The following KCNH5 variants were observed in gnomAD, a reference collection of about 807,000 sequenced individuals.
KCNH5 encodes the protein voltage-gated delayed rectifier potassium channel KCNH5.
A neutral mutation model predicts 96.1 loss-of-function variants in KCNH5; 46 were observed. The ratio of observed to expected loss-of-function variants is 0.48; its 90% CI spans 0.38 to 0.61. The LOEUF is 0.61. Among genes scored for constraint, KCNH5 ranks in the 20% least tolerant of loss-of-function variants. KCNH5 has a pLI of 0.00. For missense variants in KCNH5, 907 were observed against 1,225.8 expected (o/e 0.74, Z 3.88); for synonymous variants, 439 against 449.8 (o/e 0.98, Z 0.30).
At chr14:62,855,583 G>A (rs1159732386) in intron 7 of KCNH5, among the ~76,000 whole-genome samples, 6 of 152,146 alleles carry the variant, frequency 3.9e-5, no homozygotes, top group South Asian at 2.1e-4. Context: ...TCAATTTAAC[G>A]TTAATAACAC....
chr14:62,845,033 A>T (rs1230281476), intron 8 of KCNH5, among the ~76,000 whole-genome samples: 20 of 152,200 alleles, frequency 1.3e-4, no homozygotes, highest in Admixed American at 1.3e-3. Flanking sequence ...AGAAGCATTA[A>T]AACAAAGACA....
chr14:62,770,344 A>T (rs993052768), intron 10 of KCNH5, among the ~76,000 whole-genome samples: 14 of 152,244 alleles, frequency 9.2e-5, no homozygotes, highest in Admixed American at 2.0e-4. Context: ...ATTCACCATA[A>T]TATGAACGTT....
At chr14:63,020,716 C>T (rs533766696) in intron 1 of KCNH5, among the ~76,000 whole-genome samples, 5 of 152,270 alleles carry the variant, frequency 3.3e-5, no homozygotes, top group South Asian at 4.1e-4. Flanking sequence ...TAGAGGTATA[C>T]GTTACACAGG....
At chr14:62,916,222 G>A (rs1257147518) in intron 7 of KCNH5, among the ~76,000 whole-genome samples, 1 of 152,114 alleles carries the variant, frequency 6.6e-6, no homozygotes, top group African/African-American at 2.4e-5. Flanking sequence ...AAAGTGCTGG[G>A]ATTACAGGCG....
intron 2 of KCNH5, among the ~76,000 whole-genome samples, chr14:63,006,995 C>T (rs1891140114): frequency 6.6e-6 from 1 of 152,118 alleles, no homozygotes; most frequent in Non-Finnish European, 1.5e-5. Flanking sequence ...CCAACAAAAA[C>T]TAAAGTCCAC....
chr14:62,711,533 T>C (rs1218546909), intron 10 of KCNH5, among the ~76,000 whole-genome samples: 1 of 152,156 alleles, frequency 6.6e-6, no homozygotes, highest in African/African-American at 2.4e-5. Flanking sequence ...ATTTTAAACA[T>C]AGCTCCCTTG....
chr14:62,832,321 G>T (rs557106936), intron 8 of KCNH5, among the ~76,000 whole-genome samples: 13 of 118,548 alleles, frequency 1.1e-4, no homozygotes, highest in African/African-American at 4.4e-4. Context: ...CTATGTGTTT[G>T]ACTACTTTAG....
intron 10 of KCNH5, among the ~76,000 whole-genome samples, chr14:62,775,390 T>C (rs1566656600): frequency 6.6e-6 from 1 of 152,030 alleles, no homozygotes; most frequent in Non-Finnish European, 1.5e-5. Context: ...TAAAAACAAA[T>C]CAAATCAATT....
intron 7 of KCNH5, among the ~76,000 whole-genome samples, chr14:62,893,477 C>T (rs748181891): frequency 2.0e-5 from 3 of 152,110 alleles, no homozygotes; most frequent in African/African-American, 7.2e-5. Flanking sequence ...CATAAATGGC[C>T]GGGCATGATG....
At chr14:63,033,521 C>T (rs916002209) in intron 1 of KCNH5, among the ~76,000 whole-genome samples, 2 of 152,196 alleles carry the variant, frequency 1.3e-5, no homozygotes, top group African/African-American at 4.8e-5. Flanking sequence ...AAACCCTCCC[C>T]TTTTCATCCA....
intron 4 of KCNH5, among the ~76,000 whole-genome samples, chr14:62,994,398 G>A (rs1890868849): frequency 6.6e-6 from 1 of 152,056 alleles, no homozygotes; most frequent in South Asian, 2.1e-4. Flanking sequence ...TAAATGGGCA[G>A]AGATTTAGGC....
At chr14:62,914,850 C>T (rs1010871092) in intron 7 of KCNH5, among the ~76,000 whole-genome samples, 1 of 152,206 alleles carries the variant, frequency 6.6e-6, no homozygotes, top group Non-Finnish European at 1.5e-5. Context: ...ACCCACATGC[C>T]GAACGTGCAT....
At chr14:62,733,693 C>G (rs1203902142) in intron 10 of KCNH5, among the ~76,000 whole-genome samples, 1 of 152,188 alleles carries the variant, frequency 6.6e-6, no homozygotes, top group Non-Finnish European at 1.5e-5. Flanking sequence ...AGTGGACACT[C>G]TGTGGCCCAC....
At chr14:62,904,803 G>C (rs1482942590) in intron 7 of KCNH5, among the ~76,000 whole-genome samples, 2 of 152,094 alleles carry the variant, frequency 1.3e-5, no homozygotes, top group Non-Finnish European at 2.9e-5. Context: ...CCCATGACAA[G>C]CCAAATGCAT....
rs150472353 is a variant in KCNH5 at position 62,934,212 on chromosome 14, C to T, written c.1369+15921G>A. 0.01 allele frequency among the ~76,000 whole-genome samples: 1,572 copies of T among 151,484 alleles called. 79 individuals carry two copies. In the East Asian group the frequency reaches 0.15, roughly 14 times the overall value. On this transcript the variant is annotated intron_variant, in intron 7 of 10. Transcript: ENST00000322893. ...AGTGGCATGATCTCACTGCAACCTC[C>T]GCCTCCCGGGTTCAAGCAATTCTTC...
chr14:63,002,907 G>A (rs974714009), intron 3 of KCNH5, among the ~76,000 whole-genome samples: 7 of 152,028 alleles, frequency 4.6e-5, no homozygotes, highest in Admixed American at 1.3e-4. Flanking sequence ...TTCTGTTTTC[G>A]TATTTTACAC....
intron 8 of KCNH5, among the ~76,000 whole-genome samples, chr14:62,815,406 T>C (rs1159580095): frequency 3.9e-5 from 6 of 152,170 alleles, no homozygotes; most frequent in Admixed American, 3.9e-4. Context: ...ATTTATAATA[T>C]AATTTGTTCA....
chr14:62,815,160 T>C (rs1886952581), intron 8 of KCNH5, among the ~76,000 whole-genome samples: 1 of 152,160 alleles, frequency 6.6e-6, no homozygotes, highest in Admixed American at 6.5e-5. Flanking sequence ...AACAACATAA[T>C]GTTGACTGAA....
chr14:62,735,570 T>C (rs548616378), intron 10 of KCNH5, among the ~76,000 whole-genome samples: 3 of 152,278 alleles, frequency 2.0e-5, no homozygotes, highest in East Asian at 1.9e-4. Flanking sequence ...CTAGTACTTA[T>C]TGGAATTTAT....
Sources: allele counts gnomAD v4.1 joint callset (sites outside exome capture counted in the v4.1 genomes callset), GRCh38; gene constraint gnomAD v4.1.1; transcripts MANE v1.5; gene names NCBI Gene and HGNC (gene_info 2026-07-23, HGNC 2026-07-21).